The following DOK6 variants were observed in gnomAD, a reference collection of about 807,000 sequenced individuals.
DOK6 encodes the protein downstream of tyrosine kinase 6.
Under a neutral mutation model 44.0 loss-of-function variants are expected in DOK6, and 22 were observed. The observed-to-expected ratio is 0.50, with a 90% CI of 0.36 to 0.71. The LOEUF (loss-of-function observed/expected upper bound fraction) is 0.71. DOK6 is among the 30% of genes least tolerant of loss of function. DOK6 has a pLI of 0.00. For synonymous variants in DOK6, 166 were observed against 145.5 expected (o/e 1.14, Z -1.01); for missense variants, 340 against 416.4 (o/e 0.82, Z 1.60).
chr18:69,688,611 C>T (rs1986201368), intron 4 of DOK6, among the ~76,000 whole-genome samples: 1 of 152,178 alleles, frequency 6.6e-6, no homozygotes, highest in Non-Finnish European at 1.5e-5. Context: ...CAACCTCCGC[C>T]TCCTGGGTTC....
chr18:69,658,173 C>T (rs1985417820), intron 3 of DOK6, among the ~76,000 whole-genome samples: 1 of 151,882 alleles, frequency 6.6e-6, no homozygotes, highest in African/African-American at 2.4e-5. Flanking sequence ...GCTGGTTTTA[C>T]ACTCCTGGCC....
intron 4 of DOK6, among the ~76,000 whole-genome samples, chr18:69,683,925 T>C (rs1555723371): frequency 6.6e-6 from 1 of 152,182 alleles, no homozygotes; most frequent in Non-Finnish European, 1.5e-5. Flanking sequence ...GCACCTAACA[T>C]GTATTCATAT....
At chr18:69,560,629 A>T (rs1982806279) in intron 1 of DOK6, among the ~76,000 whole-genome samples, 1 of 152,164 alleles carries the variant, frequency 6.6e-6, no homozygotes, top group African/African-American at 2.4e-5. Context: ...AAGTACATGT[A>T]AATACCCATA....
intron 1 of DOK6, among the ~76,000 whole-genome samples, chr18:69,552,441 G>T (rs578154288): frequency 6.6e-6 from 1 of 151,982 alleles, no homozygotes; most frequent in Non-Finnish European, 1.5e-5. Context: ...AATAAAATTT[G>T]TATTTGTAAA....
intron 7 of DOK6, among the ~76,000 whole-genome samples, chr18:69,785,988 A>G (rs1980416372): frequency 1.3e-5 from 2 of 152,318 alleles, no homozygotes; most frequent in South Asian, 4.1e-4. Flanking sequence ...CTTCAGGATT[A>G]TAGAATTGGG....
rs1985468260 is a variant in DOK6, at chr18:69,659,842, TATGTATGTTATATATATATATATAA to T, written c.290-17890_290-17866del. On this transcript the variant is annotated intron_variant, in intron 3 of 7. Transcript: ENST00000382713. ...TTTTGTTATATATATATATAACATA[TATGTATGTTATATATATATATATAA>T]AACATATATGTATGTTTTATATATA... The T allele has an allele frequency of 2.1e-3, 93 of 44,762 alleles. 4 individuals are homozygous for T. The Admixed American group carries it at 0.023, about 11-fold the overall frequency. 2.8% of individuals were successfully genotyped at this position (44,762 alleles called of 1,614,324 possible). A position where few individuals can be genotyped will look rare whatever the true frequency, so the allele number is the denominator to read the frequency against.
At chr18:69,534,635 C>T in intron 1 of DOK6, among the ~76,000 whole-genome samples, 1 of 151,786 alleles carries the variant, frequency 6.6e-6, no homozygotes, top group Admixed American at 6.6e-5. Flanking sequence ...TCCCTCACTC[C>T]ATTTAAAATC....
intron 4 of DOK6, among the ~76,000 whole-genome samples, chr18:69,697,450 A>G (rs978496287): frequency 2.0e-5 from 3 of 152,132 alleles, no homozygotes; most frequent in Non-Finnish European, 4.4e-5. Context: ...CAATTCTTGC[A>G]TCTCATAATT....
intron 1 of DOK6, among the ~76,000 whole-genome samples, chr18:69,435,033 A>AGGACGGAC (rs1555701496): frequency 1.6e-5 from 1 of 62,978 alleles, no homozygotes; most frequent in Non-Finnish European, 3.6e-5. Flanking sequence ...GAGGGAAGGA[A>AGGACGGAC]GGAAGGAAGG....
At chr18:69,571,103 T>C (rs112132164) in intron 2 of DOK6, among the ~76,000 whole-genome samples, 1,985 of 152,122 alleles carry the variant, frequency 0.013, 43 homozygotes, top group African/African-American at 0.045. Flanking sequence ...ATGTTGGTGG[T>C]GAGTAAAACG....
chr18:69,562,577 T>C (rs1243352264), intron 1 of DOK6, among the ~76,000 whole-genome samples: 1 of 152,186 alleles, frequency 6.6e-6, no homozygotes, highest in Non-Finnish European at 1.5e-5. Context: ...TAAATGGTGC[T>C]GGGAAAACTG....
chr18:69,769,263 C>G (rs1203635241), intron 7 of DOK6, among the ~76,000 whole-genome samples: 2 of 151,956 alleles, frequency 1.3e-5, no homozygotes, highest in African/African-American at 2.4e-5. Flanking sequence ...AATTACAACT[C>G]TAAGACAAAA....
At position 69,842,298 on chromosome 18, in the gene DOK6, GA is replaced by G. The variant is rs917969970; in HGVS notation, c.*916del. 7 of 152,152 alleles carry G rather than the reference GA, an allele frequency of 4.6e-5. No individual in the cohort carries two copies. The highest frequency in any genetic ancestry group is 1.7e-4 in the African/African-American group (7 of 41,416). 9.4% of individuals were successfully genotyped at this position (152,152 alleles called of 1,614,324 possible). A position where few individuals can be genotyped will look rare whatever the true frequency, so the allele number is the denominator to read the frequency against. On this transcript the variant is annotated 3_prime_UTR_variant, in exon 8 of 8. Transcript: ENST00000382713. Reference sequence around the variant, plus strand: ...TCATGTCATACCCTGTCTTTCTGGTGAGCGTTTCCTTGTTGCTGACAATGTT... The same window carrying G: ...TCATGTCATACCCTGTCTTTCTGGTGGCGTTTCCTTGTTGCTGACAATGTT...
At chr18:69,808,747 A>T (rs970882376) in intron 7 of DOK6, among the ~76,000 whole-genome samples, 1 of 151,892 alleles carries the variant, frequency 6.6e-6, no homozygotes, top group Non-Finnish European at 1.5e-5. Flanking sequence ...ATGAAGAAAT[A>T]GAAAATGTGA....
chr18:69,446,171 A>G (rs1268722750), intron 1 of DOK6, among the ~76,000 whole-genome samples: 1 of 150,616 alleles, frequency 6.6e-6, no homozygotes, highest in African/African-American at 2.4e-5. Flanking sequence ...CTTGTCATTT[A>G]CATTAGGTAT....
chr18:69,664,644 T>C (rs1404707597), intron 3 of DOK6, among the ~76,000 whole-genome samples: 1 of 152,218 alleles, frequency 6.6e-6, no homozygotes, highest in Non-Finnish European at 1.5e-5. Context: ...AATATCACCC[T>C]GTAGGCACTC....
chr18:69,530,457 G>C (rs577362544), intron 1 of DOK6, among the ~76,000 whole-genome samples: 1 of 152,130 alleles, frequency 6.6e-6, no homozygotes, highest in Non-Finnish European at 1.5e-5. Flanking sequence ...GCAGGGCCTG[G>C]ATAGCAGATA....
intron 1 of DOK6, among the ~76,000 whole-genome samples, chr18:69,540,706 C>T (rs1429657144): frequency 6.6e-6 from 1 of 152,002 alleles, no homozygotes; most frequent in African/African-American, 2.4e-5. Flanking sequence ...AAATTATAGA[C>T]TTTTGATAAT....
chr18:69,808,653 T>C (rs768134957), intron 7 of DOK6, among the ~76,000 whole-genome samples: 1 of 151,750 alleles, frequency 6.6e-6, no homozygotes, highest in Non-Finnish European at 1.5e-5. Context: ...AAGACACTGC[T>C]AGAACAATTA....
Sources: gnomAD v4.1 joint callset for allele counts (sites outside exome capture counted in the v4.1 genomes callset) on GRCh38, gnomAD v4.1.1 for gene constraint, MANE v1.5 for transcripts, NCBI Gene and HGNC (gene_info 2026-07-23, HGNC 2026-07-21) for gene names.